Variants in MITF observed in about 807,000 individuals in gnomAD.
MITF encodes microphthalmia-associated transcription factor.
In MITF, 17 loss-of-function variants were observed where a neutral mutation model predicts 60.5. The observed-to-expected ratio is 0.28, with a 90% CI of 0.19 to 0.42. The LOEUF is 0.42. Ranked by LOEUF, MITF falls within the 10% of genes least tolerant of loss-of-function variation. The pLI, the probability that MITF is intolerant of heterozygous loss-of-function variation, is 1.00. For missense variants in MITF, 622 were observed against 683.5 expected, an observed-to-expected ratio of 0.91 and a Z score of 1.00; for synonymous variants, 260 against 248.5, an observed-to-expected ratio of 1.05 and a Z score of -0.43.
At chr3:69,844,753 A>G (rs976391967) in intron 1 of MITF, among the ~76,000 whole-genome samples, 10 of 149,564 alleles carry the variant, frequency 6.7e-5, no homozygotes, top group Non-Finnish European at 1.3e-4. Context: ...CAGAATCTAC[A>G]AGGAACTTAA....
chr3:69,753,055 C>T (rs1188966354), intron 1 of MITF, among the ~76,000 whole-genome samples: 4 of 152,354 alleles, frequency 2.6e-5, no homozygotes, highest in South Asian at 2.1e-4. Flanking sequence ...AGCAGACCCT[C>T]CCATCATGGG....
intron 1 of MITF, among the ~76,000 whole-genome samples, chr3:69,820,248 A>G (rs1445968316): frequency 6.6e-6 from 1 of 152,218 alleles, no homozygotes; most frequent in Non-Finnish European, 1.5e-5. Context: ...CTACTAGAAA[A>G]TTGAAATATA....
chr3:69,745,368 G>A (rs769591402), intron 1 of MITF, among the ~76,000 whole-genome samples: 7 of 152,124 alleles, frequency 4.6e-5, no homozygotes, highest in Non-Finnish European at 1.0e-4. Context: ...GTGAGGGAAA[G>A]AGAACTCATG....
At chr3:69,950,681 T>G (rs1172079747) in intron 6 of MITF, among the ~76,000 whole-genome samples, 1 of 151,026 alleles carries the variant, frequency 6.6e-6, no homozygotes, top group South Asian at 2.1e-4. Flanking sequence ...CTAAAAAGAT[T>G]TCTATTTTGA....
chr3:69,908,378 A>G lies in MITF; in HGVS notation c.354+28995A>G, dbSNP rs536447698. ...AATAAAAAAAAAACTCTTCTACATC[A>G]TTTATCGCTCCTTTATTTGGCAGGA... On this transcript the variant is annotated intron_variant, in intron 2 of 9. Transcript: ENST00000352241. 2.6e-5 allele frequency among the ~76,000 whole-genome samples: 4 copies of G among 152,250 alleles called. No homozygotes were observed. The East Asian group carries it at 7.7e-4, about 29-fold the overall frequency.
At chr3:69,952,035 A>G in intron 7 of MITF, 149 bp downstream of exon 7, 1 of 669,728 alleles carries the variant, frequency 1.5e-6, no homozygotes, top group Non-Finnish European at 2.7e-6. Context: ...ACAGAAACCA[A>G]GGTATATATT....
intron 2 of MITF, among the ~76,000 whole-genome samples, chr3:69,891,331 A>T (rs1449281553): frequency 6.6e-6 from 1 of 152,208 alleles, no homozygotes; most frequent in Non-Finnish European, 1.5e-5. Flanking sequence ...TTTAATTTTG[A>T]TATAAAATCT....
chr3:69,912,016 T>C (rs374478332), intron 2 of MITF, among the ~76,000 whole-genome samples: 9 of 152,078 alleles, frequency 5.9e-5, no homozygotes, highest in African/African-American at 2.2e-4. Context: ...TAAATGCCCA[T>C]CAATAAGGGA....
chr3:69,814,838 T>C (rs2063156304), intron 1 of MITF, among the ~76,000 whole-genome samples: 1 of 152,156 alleles, frequency 6.6e-6, no homozygotes, highest in Non-Finnish European at 1.5e-5. Context: ...GGCTAAGTAT[T>C]ACCAGCCAGG....
At chr3:69,843,442 C>G (rs926402754) in intron 1 of MITF, among the ~76,000 whole-genome samples, 6 of 152,170 alleles carry the variant, frequency 3.9e-5, no homozygotes, top group Admixed American at 3.9e-4. Context: ...CTCCCTCCAC[C>G]CCCGGCAATT....
chr3:69,893,251 C>T (rs112148153), intron 2 of MITF, among the ~76,000 whole-genome samples: 1 of 152,244 alleles, frequency 6.6e-6, no homozygotes, highest in African/African-American at 2.4e-5. Flanking sequence ...ACCTTGTTTC[C>T]TAGACCTACT....
chr3:69,941,962 C>G (rs113476129), intron 5 of MITF, among the ~76,000 whole-genome samples: 9 of 152,130 alleles, frequency 5.9e-5, no homozygotes, highest in Admixed American at 2.0e-4. Context: ...TTCTGTGAGT[C>G]AAGTTCGGAT....
At chr3:69,924,680 T>C (rs2065546155) in intron 2 of MITF, among the ~76,000 whole-genome samples, 1 of 152,218 alleles carries the variant, frequency 6.6e-6, no homozygotes, top group Non-Finnish European at 1.5e-5. Context: ...ATCTGTCTCG[T>C]AGTTTGTTCA....
chr3:69,920,327 G>T (rs1384595167), intron 2 of MITF, among the ~76,000 whole-genome samples: 1 of 151,996 alleles, frequency 6.6e-6, no homozygotes, highest in African/African-American at 2.4e-5. Flanking sequence ...TTTCCCCGGG[G>T]GAGTTTAGAG....
chr3:69,758,010 TG>T (rs2062153710), intron 1 of MITF, among the ~76,000 whole-genome samples: 3 of 93,112 alleles, frequency 3.2e-5, no homozygotes, highest in South Asian at 8.3e-4. Flanking sequence ...TGTGTGTGTG[TG>T]TGTGTGTGTG....
At chr3:69,944,942 T>C (rs553030808) in intron 5 of MITF, among the ~76,000 whole-genome samples, 43 of 152,302 alleles carry the variant, frequency 2.8e-4, no homozygotes, top group Non-Finnish European at 5.4e-4. Flanking sequence ...TAGGCATTTT[T>C]TTCTTTTATT....
At chr3:69,780,439 A>G (rs910417514) in intron 1 of MITF, among the ~76,000 whole-genome samples, 6 of 152,166 alleles carry the variant, frequency 3.9e-5, no homozygotes, top group Non-Finnish European at 8.8e-5. Context: ...TGTTTTCTTG[A>G]TGGAATGTTT....
intron 1 of MITF, among the ~76,000 whole-genome samples, chr3:69,806,010 A>C (rs1261595545): frequency 6.6e-6 from 1 of 152,152 alleles, no homozygotes; most frequent in Admixed American, 6.6e-5. Context: ...GACTTAGTCC[A>C]TTTAATATAG....
At chr3:69,922,516 G>T (rs899208129) in intron 2 of MITF, among the ~76,000 whole-genome samples, 1 of 152,056 alleles carries the variant, frequency 6.6e-6, no homozygotes, top group Admixed American at 6.6e-5. Context: ...CACCACACCC[G>T]GCCGCCATTG....
Sources: allele counts gnomAD v4.1 joint callset (sites outside exome capture counted in the v4.1 genomes callset), GRCh38; gene constraint gnomAD v4.1.1; transcripts MANE v1.5; gene names NCBI Gene and HGNC (gene_info 2026-07-23, HGNC 2026-07-21).